PPP2R5B: variants seen among roughly 807,000 people sequenced by gnomAD.
The protein encoded by PPP2R5B is protein phosphatase 2 regulatory subunit B'beta, also known as serine/threonine-protein phosphatase 2A 56 kDa regulatory subunit beta isoform.
PPP2R5B carries 19 observed loss-of-function variants against 59.9 expected under a neutral mutation model. The ratio of observed to expected loss-of-function variants is 0.32; its 90% confidence interval spans 0.22 to 0.47. PPP2R5B has a LOEUF of 0.47. Ranked by LOEUF, PPP2R5B falls within the 20% of genes least tolerant of loss-of-function variation. PPP2R5B has a pLI of 1.00. For missense variants in PPP2R5B, 441 were observed against 640.2 expected (o/e 0.69, Z 3.36); for synonymous variants, 286 against 260.5 (o/e 1.10, Z -0.94).
intron 1 of PPP2R5B, among the ~76,000 whole-genome samples, chr11:64,919,424 G>A (rs568568628): frequency 6.6e-6 from 1 of 151,864 alleles, no homozygotes; most frequent in African/African-American, 2.4e-5. Flanking sequence ...GCAGTACTGT[G>A]CTCACCAACT....
chr11:64,929,183 C>A (rs1339810266), intron 6 of PPP2R5B, among the ~76,000 whole-genome samples: 1 of 152,160 alleles, frequency 6.6e-6, no homozygotes, highest in Non-Finnish European at 1.5e-5. Context: ...TTTGCAGGGA[C>A]TGGGTCAGTC....
Position 64,931,377 on chromosome 11 carries a change from C to T in PPP2R5B, c.892-59C>T. ...GGCATTCTGTCCTGGACAGCAAGTC[C>T]TTGGCGCCTGGTGCCTTCCTGACCT... is the stretch of plus-strand genomic sequence containing the variant. On this transcript the variant is annotated intron_variant, in intron 8 of 13. Coordinates refer to ENST00000164133, the MANE Select transcript of PPP2R5B (RefSeq NM_006244.4). The surrounding 1 kb of genome is among the most constrained non-coding windows in gnomAD (Gnocchi z 5.0). The T allele has an allele frequency of 6.3e-7, 1 of 1,576,170 alleles. No homozygotes were observed. The highest frequency in any genetic ancestry group is 2.2e-5 in the East Asian group (1 of 44,468).
chr11:64,930,426 A>G (rs1477739909), intron 7 of PPP2R5B, 45 bp downstream of exon 7: 1 of 1,613,640 alleles, frequency 6.2e-7, no homozygotes, highest in Non-Finnish European at 8.5e-7. Context: ...TTCTGGAAGG[A>G]GGGACTGGGG....
At chr11:64,932,034 G>A (rs1404630105) in intron 11 of PPP2R5B, among the ~76,000 whole-genome samples, 166 bp downstream of exon 11, 1 of 152,180 alleles carries the variant, frequency 6.6e-6, no homozygotes. Flanking sequence ...CCTCGGACCT[G>A]CCTTCCACTG....
Position 64,931,290 on chromosome 11 carries a change from C to T in PPP2R5B, c.892-146C>T, listed in dbSNP as rs567036854. On this transcript the variant is annotated intron_variant, in intron 8 of 13. Coordinates refer to ENST00000164133, the MANE Select transcript of PPP2R5B (RefSeq NM_006244.4). This position sits in a 1 kb window ranked among gnomAD's most constrained non-coding sequence, Gnocchi z 5.0. ...ACACTGAATGTGATGCCTGGTACAT[C>T]CTAGGCAGGTGATAAATGCTTGGTG... 7.1e-4 allele frequency: 606 copies of T among 847,938 alleles called. No homozygotes were observed. The highest frequency in any genetic ancestry group is 1.1e-3 in the Non-Finnish European group (566 of 524,290). The allele number at this position is 847,938 out of a possible 1,614,324, so 52.5% of individuals were successfully genotyped here. A position where few individuals can be genotyped will look rare whatever the true frequency, so the allele number is the denominator to read the frequency against.
At chr11:64,926,126 A>G (rs1247449981) in intron 2 of PPP2R5B, among the ~76,000 whole-genome samples, 193 bp downstream of exon 2, 1 of 152,236 alleles carries the variant, frequency 6.6e-6, no homozygotes, top group Non-Finnish European at 1.5e-5. Context: ...CTGGCCTGTC[A>G]TCCTTAGAGG....
Position 64,925,682 on chromosome 11 carries a change from G to A in PPP2R5B, c.-53G>A. ...GTCCAGTCTCACCCAGCACCTCCCA[G>A]GCCCAGAGAGAACCCCCGGGGCTCT... On this transcript the variant is annotated 5_prime_UTR_variant, in exon 2 of 14. Coordinates refer to ENST00000164133, the MANE Select transcript of PPP2R5B (RefSeq NM_006244.4). The surrounding 1 kb of genome is among the most constrained non-coding windows in gnomAD (Gnocchi z 4.6). 1 of 991,476 alleles carries A rather than the reference G, an allele frequency of 1.0e-6. No individual in the cohort carries two copies. The highest frequency in any genetic ancestry group is 1.5e-6 in the Non-Finnish European group (1 of 676,698). The allele number at this position is 991,476 out of a possible 1,614,324, so 61.4% of individuals were successfully genotyped here.
chr11:64,920,093 A>G (rs910528364), upstream of PPP2R5B, among the ~76,000 whole-genome samples: 1 of 152,202 alleles, frequency 6.6e-6, no homozygotes, highest in Non-Finnish European at 1.5e-5. Context: ...AGCCTGGGTG[A>G]CAGAGAAGAC....
upstream of PPP2R5B, among the ~76,000 whole-genome samples, chr11:64,922,206 C>T (rs962541982): frequency 8.6e-5 from 13 of 152,020 alleles, no homozygotes; most frequent in African/African-American, 2.4e-4. Flanking sequence ...AAAATAAAGC[C>T]GGGTGCAATG....
chr11:64,919,943 A>T (rs1945095328), upstream of PPP2R5B, among the ~76,000 whole-genome samples: 1 of 152,068 alleles, frequency 6.6e-6, no homozygotes, highest in Non-Finnish European at 1.5e-5. Flanking sequence ...TAAGATTCAG[A>T]AATCATAAAA....
chr11:64,923,024 A>G (rs1945124573), upstream of PPP2R5B: 1 of 152,180 alleles, frequency 6.6e-6, no homozygotes, highest in African/African-American at 2.4e-5. Context: ...CGACAGCACA[A>G]TCACAGCTTA....
Position 64,918,988 on chromosome 11 carries a change from C to T in PPP2R5B, c.-265+1348C>T, listed in dbSNP as rs552454125. ...GTTGGGTTAGTAAGTGGAGATAGTT[C>T]ATTACCTGGAAGGAGCAGGCTCCAT... On this transcript the variant is annotated intron_variant, in intron 1 of 4. Coordinates refer to the PPP2R5B transcript ENST00000526559. 5.3e-5 allele frequency among the ~76,000 whole-genome samples: 8 copies of T among 152,226 alleles called. No homozygotes were observed. The South Asian group carries it at 1.7e-3, about 32-fold the overall frequency.
intron 1 of PPP2R5B, among the ~76,000 whole-genome samples, chr11:64,918,845 C>T (rs181578167): frequency 3.9e-5 from 6 of 152,342 alleles, no homozygotes; most frequent in Admixed American, 2.6e-4. Context: ...AATGCCAAAA[C>T]TCAGCCTGAA....
chr11:64,932,964 G>A (rs987710345), intron 12 of PPP2R5B, 72 bp downstream of exon 12: 12 of 1,586,592 alleles, frequency 7.6e-6, no homozygotes, highest in Non-Finnish European at 1.0e-5. Flanking sequence ...CGACCCCAGG[G>A]TTACTCCTAG....
Position 64,931,216 on chromosome 11 carries a change from G to A in PPP2R5B, c.892-220G>A, listed in dbSNP as rs1945224372. Among the ~76,000 whole-genome samples the A allele has an allele frequency of 6.6e-6, 1 of 152,016 alleles. No homozygotes were observed. The highest frequency in any genetic ancestry group is 2.1e-4 in the South Asian group (1 of 4,818). On this transcript the variant is annotated intron_variant, in intron 8 of 13. Transcript: ENST00000164133. This position sits in a 1 kb window ranked among gnomAD's most constrained non-coding sequence, Gnocchi z 5.0. ...CCTTTTGCAAAATTTATAAAGATGA[G>A]TTTGTTGACTGTCCCCACTCCCCGC...
rs773858189 is a variant in PPP2R5B, at chr11:64,931,779, C to A, written c.1027C>A (p.Leu343Ile). The A allele has an allele frequency of 1.9e-6, 3 of 1,613,658 alleles. No individual in the cohort carries two copies. Among genetic ancestry groups the A allele is most frequent in the Non-Finnish European group, 2.5e-6 (3 of 1,179,788 alleles). The change falls in exon 11 of 14, where the codon CTT becomes ATT. Residue 343 changes from leucine (L) to isoleucine (I), a missense_variant. Around this residue, in one of 3 missense-constraint regions of PPP2R5B, gnomAD observed 268 missense variants for 488.1 expected, o/e 0.55. Coordinates refer to ENST00000164133, the MANE Select transcript of PPP2R5B (RefSeq NM_006244.4). This position sits in a 1 kb window ranked among gnomAD's most constrained non-coding sequence, Gnocchi z 5.0. Reference sequence around the variant, plus strand: ...GTTTCTGGGGGAGATGGAAGAGATTCTTGATGTCATCGAGCCCTCCCAGTT... The same window carrying A: ...GTTTCTGGGGGAGATGGAAGAGATTATTGATGTCATCGAGCCCTCCCAGTT... ...VMFLGEMEEI[L>I]DVIEPSQFVK...
chr11:64,923,714 C>T (rs1457964322), upstream of PPP2R5B, among the ~76,000 whole-genome samples: 4 of 152,304 alleles, frequency 2.6e-5, no homozygotes, highest in East Asian at 5.8e-4. Context: ...GTCCCCTCCC[C>T]GACCTCATTA....
rs1945241177 is a variant in PPP2R5B at position 64,932,777 on chromosome 11, G to A, written c.1129G>A (p.Ala377Thr). ...TTGTCTGCCCCAGGTTGCAGAGCGG[G>A]CTCTGTATTTCTGGAACAATGAGTA... Reference protein sequence around the residue: ...SSPHFQVAERALYFWNNEYIL... With the variant: ...SSPHFQVAERTLYFWNNEYIL... The change falls in exon 12 of 14, where the codon GCT becomes ACT. Residue 377 changes from alanine (A) to threonine (T), a missense_variant. By Grantham distance (58) the Ala-to-Thr change is moderately conservative (BLOSUM62 0). Transcript: ENST00000164133. 1 of 1,613,870 alleles carries A rather than the reference G, an allele frequency of 6.2e-7. No individual in the cohort carries two copies.
intron 12 of PPP2R5B, 45 bp from the exon 13 acceptor site, chr11:64,933,100 A>G: frequency 6.4e-7 from 1 of 1,554,852 alleles, no homozygotes; most frequent in African/African-American, 1.4e-5. Flanking sequence ...GAGGTGGGCA[A>G]ACCAAAGCTG....
Sources: allele counts gnomAD v4.1 joint callset (sites outside exome capture counted in the v4.1 genomes callset), GRCh38; gene constraint gnomAD v4.1.1; regional missense constraint gnomAD v4.1.1; non-coding constraint Gnocchi (gnomAD v3.1); transcripts MANE v1.5; gene names NCBI Gene and HGNC (gene_info 2026-07-23, HGNC 2026-07-21).